Variants in NFIX observed in about 807,000 individuals in gnomAD.
The protein encoded by NFIX is nuclear factor I X, also known as nuclear factor 1 X-type.
A neutral mutation model predicts 53.3 loss-of-function variants in NFIX; 2 were observed. The ratio of observed to expected loss-of-function variants is 0.04; its 90% CI spans 0.02 to 0.12. The LOEUF is 0.12. Among genes scored for constraint, NFIX ranks in the 10% least tolerant of loss-of-function variants. NFIX has a pLI of 1.00. For missense variants in NFIX, 310 were observed against 674.5 expected (o/e 0.46, Z 5.99); for synonymous variants, 244 against 289.0 (o/e 0.84, Z 1.58).
At chr19:13,084,005 C>A (rs1317779821) in intron 8 of NFIX, among the ~76,000 whole-genome samples, 2 of 152,214 alleles carry the variant, frequency 1.3e-5, no homozygotes, top group African/African-American at 4.8e-5. Context: ...CTGTGCCTCA[C>A]CCCCAGAGCA....
chr19:13,089,522 G>C lies in NFIX; in HGVS notation c.1403-777G>C, dbSNP rs2018007600. On this transcript the variant is annotated intron_variant, in intron 9 of 10. Coordinates refer to ENST00000592199, the MANE Select transcript of NFIX (RefSeq NM_001365902.3). This position sits in a 1 kb window ranked among gnomAD's most constrained non-coding sequence, Gnocchi z 4.8. ...AGCCTCCTCCTCCTCTATTGCCTTG[G>C]TCCTGGAACCACAGGCCTGTTGGAC... 6.6e-6 allele frequency among the ~76,000 whole-genome samples: 1 copy of C among 152,202 alleles called. No individual in the cohort carries two copies. Among genetic ancestry groups the C allele is most frequent in the Non-Finnish European group, 1.5e-5 (1 of 68,012 alleles).
Position 13,011,944 on chromosome 19 carries a change from G to A in NFIX, c.28-13077G>A, listed in dbSNP as rs1415017347. Among the ~76,000 whole-genome samples the A allele has an allele frequency of 2.0e-5, 3 of 152,168 alleles. No individual in the cohort carries two copies. The highest frequency in any genetic ancestry group is 7.2e-5 in the African/African-American group (3 of 41,446). On this transcript the variant is annotated intron_variant, in intron 1 of 10. Transcript: ENST00000592199. The surrounding 1 kb of genome is among the most constrained non-coding windows in gnomAD (Gnocchi z 6.5). ...TCCCCAGGGCCCAGGCAGGAGGAGGGAAGGTCGTGTGCTTTCCATGTCGCG... is the reference window on the plus strand; with the variant it reads ...TCCCCAGGGCCCAGGCAGGAGGAGGAAAGGTCGTGTGCTTTCCATGTCGCG...
At position 13,006,595 on chromosome 19, in the gene NFIX, G is replaced by T. The variant is rs867209154; in HGVS notation, c.27+10731G>T. On this transcript the variant is annotated intron_variant, in intron 1 of 10. Coordinates refer to ENST00000592199, the MANE Select transcript of NFIX (RefSeq NM_001365902.3). The surrounding 1 kb of genome is among the most constrained non-coding windows in gnomAD (Gnocchi z 5.6). ...ACTTCCACCTGGGCCCCTCAATTTA[G>T]CTCCCCCGGGGCGGGCTGGGTTTAT... Among the ~76,000 whole-genome samples the T allele has an allele frequency of 8.5e-5, 13 of 152,260 alleles. No individual in the cohort carries two copies. Among genetic ancestry groups the T allele is most frequent in the Middle Eastern group, 3.4e-3 (1 of 294 alleles).
chr19:13,072,389 A>G lies in NFIX; in HGVS notation c.560-658A>G, dbSNP rs1198073092. The stretch of plus-strand genomic sequence containing the variant: ...TGAGACAGCCCAGACAGGCTGGCAC[A>G]GAGCGGGCGACAGCGTCAGGGCAGA... On this transcript the variant is annotated intron_variant, in intron 2 of 10. Transcript: ENST00000592199. This position sits in a 1 kb window ranked among gnomAD's most constrained non-coding sequence, Gnocchi z 4.0. Among the ~76,000 whole-genome samples, 1 of 152,266 alleles carries G rather than the reference A, an allele frequency of 6.6e-6. No individual in the cohort carries two copies. Among genetic ancestry groups the G allele is most frequent in the East Asian group, 1.9e-4 (1 of 5,198 alleles).
chr19:13,014,372 AAAAG>A lies in NFIX; in HGVS notation c.28-10640_28-10637del, dbSNP rs957216376. 5.3e-5 allele frequency: 8 copies of A among 152,334 alleles called. No individual in the cohort carries two copies. Among genetic ancestry groups the A allele is most frequent in the South Asian group, 2.1e-4 (1 of 4,824 alleles). 9.4% of individuals were successfully genotyped at this position (152,334 alleles called of 1,614,324 possible). On this transcript the variant is annotated intron_variant, in intron 1 of 10. Coordinates refer to ENST00000592199, the MANE Select transcript of NFIX (RefSeq NM_001365902.3). The surrounding 1 kb of genome is among the most constrained non-coding windows in gnomAD (Gnocchi z 4.4). ...CCTGGTTTGCGCTAGAGCCGTTTAA[AAAAG>A]AAAGAAAGGAAGAAAGGAGCCGGGC...
chr19:13,025,833 G>A lies in NFIX; in HGVS notation c.559+281G>A, dbSNP rs150303322. On this transcript the variant is annotated intron_variant, in intron 2 of 10. Coordinates refer to ENST00000592199, the MANE Select transcript of NFIX (RefSeq NM_001365902.3). This position sits in a 1 kb window ranked among gnomAD's most constrained non-coding sequence, Gnocchi z 7.5. ...CTTATCTGATCAGAAAGATGCTGCA[G>A]GTCTTAGGATTGGGGACATGATGCC... is the stretch of plus-strand genomic sequence containing the variant. Among the ~76,000 whole-genome samples the A allele has an allele frequency of 1.3e-5, 2 of 152,186 alleles. No homozygotes were observed. Among genetic ancestry groups the A allele is most frequent in the African/African-American group, 4.8e-5 (2 of 41,438 alleles).
intron 2 of NFIX, among the ~76,000 whole-genome samples, chr19:13,063,725 G>A (rs967597024): frequency 3.9e-5 from 6 of 151,928 alleles, no homozygotes; most frequent in Non-Finnish European, 8.8e-5. Flanking sequence ...CTGCCTTCTC[G>A]CATCCCTCCT....
At chr19:13,042,197 C>T (rs944500449) in intron 2 of NFIX, among the ~76,000 whole-genome samples, 6 of 152,114 alleles carry the variant, frequency 3.9e-5, no homozygotes, top group South Asian at 2.1e-4. Context: ...TGAGCCACTG[C>T]GCCTGGCCTT....
Position 13,088,955 on chromosome 19 carries a change from T to TG in NFIX, c.1402+823dup, listed in dbSNP as rs1370970402. Among the ~76,000 whole-genome samples, 2 of 125,306 alleles carry TG rather than the reference T, an allele frequency of 1.6e-5. No homozygotes were observed. The highest frequency in any genetic ancestry group is 3.3e-5 in the Non-Finnish European group (2 of 60,366). The allele number at this position is 125,306 out of a possible 152,430, so 82.2% of individuals were successfully genotyped here. A position where few individuals can be genotyped will look rare whatever the true frequency, so the allele number is the denominator to read the frequency against. On this transcript the variant is annotated intron_variant, in intron 9 of 10. Coordinates refer to ENST00000592199, the MANE Select transcript of NFIX (RefSeq NM_001365902.3). This position sits in a 1 kb window ranked among gnomAD's most constrained non-coding sequence, Gnocchi z 5.9. ...AGACCCGGCGTGAAGGACAGGAGGATGGGGCGGGTGCTGTCTGTGGGCCAG... is the reference window on the plus strand; with the variant it reads ...AGACCCGGCGTGAAGGACAGGAGGATGGGGGCGGGTGCTGTCTGTGGGCCAG...
Position 13,090,283 on chromosome 19 carries a change from C to T in NFIX, c.1403-16C>T. On this transcript the variant is annotated splice_polypyrimidine_tract_variant and intron_variant, in intron 9 of 10. Coordinates refer to ENST00000592199, the MANE Select transcript of NFIX (RefSeq NM_001365902.3). The surrounding 1 kb of genome is among the most constrained non-coding windows in gnomAD (Gnocchi z 6.6). ...GGCCTGACAGGGTCTCTCCCTCTCT[C>T]CCCTGCTCCCCACAGCATTCGCAAC... The T allele has an allele frequency of 6.2e-7, 1 of 1,613,376 alleles. No individual in the cohort carries two copies. Among genetic ancestry groups the T allele is most frequent in the Non-Finnish European group, 8.5e-7 (1 of 1,179,396 alleles).
At position 13,088,503 on chromosome 19, in the gene NFIX, G is replaced by GT. The variant is rs1350218747; in HGVS notation, c.1402+373dup. Among the ~76,000 whole-genome samples the GT allele has an allele frequency of 6.8e-6, 1 of 146,872 alleles. No individual in the cohort carries two copies. The highest frequency in any genetic ancestry group is 1.5e-5 in the Non-Finnish European group (1 of 66,486). On this transcript the variant is annotated intron_variant, in intron 9 of 10. Transcript: ENST00000592199. The surrounding 1 kb of genome is among the most constrained non-coding windows in gnomAD (Gnocchi z 5.9). ...GCCTGATTGCTGTTTTTTTTTTTTT[G>GT]TTTTTTGTTTTTGTTTTTTAATTTT... is the stretch of plus-strand genomic sequence containing the variant.
At chr19:13,085,515 G>A (rs895586709) in intron 8 of NFIX, among the ~76,000 whole-genome samples, 6 of 152,176 alleles carry the variant, frequency 3.9e-5, no homozygotes, top group Admixed American at 1.3e-4. Context: ...GAGGGGAGGC[G>A]TCGCATCACC....
rs1043819699 is a variant in NFIX, at chr19:13,006,230, A to G, written c.27+10366A>G. Among the ~76,000 whole-genome samples the G allele has an allele frequency of 6.6e-6, 1 of 152,150 alleles. No individual in the cohort carries two copies. Among genetic ancestry groups the G allele is most frequent in the Non-Finnish European group, 1.5e-5 (1 of 68,014 alleles). On this transcript the variant is annotated intron_variant, in intron 1 of 10. Coordinates refer to ENST00000592199, the MANE Select transcript of NFIX (RefSeq NM_001365902.3). The surrounding 1 kb of genome is among the most constrained non-coding windows in gnomAD (Gnocchi z 5.6). Reference sequence around the variant, plus strand: ...TAGCAGAGGTGGGCACGGAGACCTCATGGTGAGATGATGATTTTGAACGCT... The same window carrying G: ...TAGCAGAGGTGGGCACGGAGACCTCGTGGTGAGATGATGATTTTGAACGCT...
In NFIX at chr19:13,028,071, AC is replaced by A. The variant is rs1469258647; in HGVS notation, c.559+2521del. 6.6e-6 allele frequency among the ~76,000 whole-genome samples: 1 copy of A among 152,162 alleles called. No individual in the cohort carries two copies. Among genetic ancestry groups the A allele is most frequent in the Non-Finnish European group, 1.5e-5 (1 of 68,032 alleles). ...GTTGGGTGGTCTTGAGATGGCACAG[AC>A]CAGGCATGGCTTGCTTCCTCCTTGA... On this transcript the variant is annotated intron_variant, in intron 2 of 10. Coordinates refer to ENST00000592199, the MANE Select transcript of NFIX (RefSeq NM_001365902.3). This position sits in a 1 kb window ranked among gnomAD's most constrained non-coding sequence, Gnocchi z 4.2.
rs796212249 is a variant in NFIX at position 13,039,228 on chromosome 19, C to CCCACA, written c.559+13677_559+13678insCACAC. 2.3e-3 allele frequency among the ~76,000 whole-genome samples: 328 copies of CCCACA among 144,566 alleles called. 7 individuals are homozygous for CCCACA. Among genetic ancestry groups the CCCACA allele is most frequent in the African/African-American group, 8.6e-3 (303 of 35,182 alleles). 94.8% of individuals were successfully genotyped at this position (144,566 alleles called of 152,430 possible). A position where few individuals can be genotyped will look rare whatever the true frequency, so the allele number is the denominator to read the frequency against. On this transcript the variant is annotated intron_variant, in intron 2 of 10. Transcript: ENST00000592199. ...TTTCTTTTAAATTAAACACCCCCCC[C>CCCACA]CACACACACACATACACGTGTGTGT...
intron 2 of NFIX, among the ~76,000 whole-genome samples, chr19:13,042,917 C>T (rs1434847330): frequency 6.6e-6 from 1 of 152,134 alleles, no homozygotes; most frequent in East Asian, 1.9e-4. Flanking sequence ...TGTTAAATTG[C>T]CATCTGGAAA....
At position 13,049,478 on chromosome 19, in the gene NFIX, T is replaced by G. The variant is rs1305419615; in HGVS notation, c.560-23569T>G. Among the ~76,000 whole-genome samples, 2 of 152,194 alleles carry G rather than the reference T, an allele frequency of 1.3e-5. No homozygotes were observed. The highest frequency in any genetic ancestry group is 2.9e-5 in the Non-Finnish European group (2 of 68,032). On this transcript the variant is annotated intron_variant, in intron 2 of 10. Transcript: ENST00000592199. The surrounding 1 kb of genome is among the most constrained non-coding windows in gnomAD (Gnocchi z 4.5). ...CTTTGTTTCTATGGATTTGCCTAGT[T>G]GTGGATGTTTCATATAAATGAGATC...
intron 2 of NFIX, among the ~76,000 whole-genome samples, chr19:13,044,204 G>A (rs1156421576): frequency 6.6e-6 from 1 of 152,190 alleles, no homozygotes; most frequent in Non-Finnish European, 1.5e-5. Flanking sequence ...GTGGGTAGTT[G>A]TGTAGGACAG....
intron 2 of NFIX, among the ~76,000 whole-genome samples, chr19:13,032,446 A>T (rs1351244864): frequency 6.6e-6 from 1 of 152,232 alleles, no homozygotes; most frequent in African/African-American, 2.4e-5. Flanking sequence ...GGCACATGAC[A>T]TTCCCCTGTG....
Sources: gnomAD v4.1 joint callset for allele counts (sites outside exome capture counted in the v4.1 genomes callset) on GRCh38, gnomAD v4.1.1 for gene constraint, Gnocchi (gnomAD v3.1) non-coding constraint, MANE v1.5 for transcripts, NCBI Gene and HGNC (gene_info 2026-07-23, HGNC 2026-07-21) for gene names.